The following COMMD7 variants were observed in gnomAD, a reference collection of about 807,000 sequenced individuals.
COMMD7 encodes the protein COMM domain containing 7, also known as COMM domain-containing protein 7.
COMMD7 carries 28 observed loss-of-function variants against 34.8 expected under a neutral mutation model. The observed-to-expected ratio is 0.80, with a 90% CI of 0.60 to 1.10. The LOEUF (loss-of-function observed/expected upper bound fraction) is 1.10, where lower values mean the gene tolerates loss of function less well. COMMD7 is among the 50% of genes least tolerant of loss of function. The pLI is 0.00. For synonymous variants in COMMD7, 80 were observed against 86.4 expected, an observed-to-expected ratio of 0.93 and a Z score of 0.41; for missense variants, 211 against 241.6, an observed-to-expected ratio of 0.87 and a Z score of 0.84.
intron 1 of COMMD7, 138 bp from the exon 2 acceptor site, chr20:32,728,280 T>TA: frequency 1.3e-6 from 1 of 754,364 alleles, no homozygotes; most frequent in South Asian, 1.6e-5. Context: ...ATCCTATAGT[T>TA]ACAAATGTTC....
At chr20:32,726,602 C>A (rs1985526682) in intron 3 of COMMD7, among the ~76,000 whole-genome samples, 1 of 152,110 alleles carries the variant, frequency 6.6e-6, no homozygotes, top group Admixed American at 6.6e-5. Flanking sequence ...ACTTGGGAGG[C>A]TGAGGCAGGA....
intron 1 of COMMD7, among the ~76,000 whole-genome samples, chr20:32,729,398 C>T (rs1985709813): frequency 6.6e-6 from 1 of 151,344 alleles, no homozygotes; most frequent in Non-Finnish European, 1.5e-5. Flanking sequence ...GAACTCCTCA[C>T]CTCAAGTGAT....
chr20:32,731,066 T>A (rs1001843805), intron 1 of COMMD7, among the ~76,000 whole-genome samples: 3 of 152,216 alleles, frequency 2.0e-5, no homozygotes, highest in African/African-American at 7.2e-5. Context: ...GTGTGGTGGC[T>A]CATGCCTGTA....
intron 1 of COMMD7, among the ~76,000 whole-genome samples, chr20:32,732,842 A>T (rs1374169943): frequency 1.3e-5 from 2 of 151,896 alleles, no homozygotes; most frequent in Non-Finnish European, 2.9e-5. Flanking sequence ...AGGCTGAGGC[A>T]GGAGAATGGC....
intron 3 of COMMD7, among the ~76,000 whole-genome samples, chr20:32,707,064 G>A (rs1457346918): frequency 6.7e-6 from 1 of 149,838 alleles, no homozygotes; most frequent in South Asian, 2.1e-4. Context: ...ACGACATCAG[G>A]AGATCGAGAC....
chr20:32,702,789 TACG>T lies in COMMD7; in HGVS notation c.*590_*592del, dbSNP rs1342820624. The T allele has an allele frequency of 2.0e-5, 3 of 152,262 alleles. No individual in the cohort carries two copies. Among genetic ancestry groups the T allele is most frequent in the African/African-American group, 4.8e-5 (2 of 41,462 alleles). The allele number at this position is 152,262 out of a possible 1,614,324, so 9.4% of individuals were successfully genotyped here. A position where few individuals can be genotyped will look rare whatever the true frequency, so the allele number is the denominator to read the frequency against. On this transcript the variant is annotated 3_prime_UTR_variant, in exon 9 of 9. Coordinates refer to ENST00000278980, the MANE Select transcript of COMMD7 (RefSeq NM_053041.3). ...AATGGCCTCAAAAGGCCCACCTCGTTACGACATGACAGGGCAAAACCAGAAGTA... is the reference window on the plus strand; with the variant it reads ...AATGGCCTCAAAAGGCCCACCTCGTTACATGACAGGGCAAAACCAGAAGTA...
chr20:32,707,625 ATTTTT>A (rs879335470), intron 3 of COMMD7, among the ~76,000 whole-genome samples: 1 of 148,884 alleles, frequency 6.7e-6, no homozygotes, highest in Admixed American at 6.7e-5. Flanking sequence ...CCTGGCACAT[ATTTTT>A]TTTTTAATTG....
chr20:32,721,396 G>C (rs1393226532), intron 3 of COMMD7, among the ~76,000 whole-genome samples: 2 of 152,110 alleles, frequency 1.3e-5, no homozygotes, highest in Non-Finnish European at 2.9e-5. Flanking sequence ...GATCACCTGA[G>C]GTCAGGAGTT....
At chr20:32,742,230 T>C (rs914409949) in intron 1 of COMMD7, among the ~76,000 whole-genome samples, 1 of 152,224 alleles carries the variant, frequency 6.6e-6, no homozygotes, top group African/African-American at 2.4e-5. Context: ...TTTTTAAATG[T>C]GGCTACTACA....
At chr20:32,730,383 C>T (rs1260394003) in intron 1 of COMMD7, among the ~76,000 whole-genome samples, 1 of 151,964 alleles carries the variant, frequency 6.6e-6, no homozygotes, top group South Asian at 2.1e-4. Flanking sequence ...GGTGAAACCC[C>T]GTCTCTACTA....
At chr20:32,730,558 AAACAAC>A (rs34678832) in intron 1 of COMMD7, among the ~76,000 whole-genome samples, 8 of 149,584 alleles carry the variant, frequency 5.3e-5, no homozygotes, top group Non-Finnish European at 7.4e-5. Context: ...CCGTTTCAAA[AAACAAC>A]AACAACAACA....
chr20:32,729,763 T>G (rs1253847027), intron 1 of COMMD7, among the ~76,000 whole-genome samples: 2 of 151,912 alleles, frequency 1.3e-5, no homozygotes, highest in East Asian at 3.9e-4. Flanking sequence ...TCCCAGCACT[T>G]TGGGAGGCTG....
At chr20:32,732,299 C>A (rs1050274110) in intron 1 of COMMD7, among the ~76,000 whole-genome samples, 1 of 152,084 alleles carries the variant, frequency 6.6e-6, no homozygotes, top group African/African-American at 2.4e-5. Context: ...CAATGTTGCC[C>A]CAGCTCATCT....
intron 7 of COMMD7, 121 bp from the exon 8 acceptor site, chr20:32,704,192 ATC>A: frequency 1.1e-6 from 1 of 872,292 alleles, no homozygotes; most frequent in Non-Finnish European, 1.7e-6. Context: ...AGTCTGGATC[ATC>A]CACCACCGAA....
intron 3 of COMMD7, 79 bp from the exon 4 acceptor site, chr20:32,706,839 A>T: frequency 1.7e-6 from 2 of 1,186,202 alleles, no homozygotes; most frequent in South Asian, 2.5e-5. Context: ...GGCACAACCT[A>T]TGTGACCTAA....
At chr20:32,731,004 CTG>C (rs1196563867) in intron 1 of COMMD7, among the ~76,000 whole-genome samples, 2 of 152,180 alleles carry the variant, frequency 1.3e-5, no homozygotes, top group African/African-American at 2.4e-5. Context: ...TGTCAGGACT[CTG>C]TATTATTTTA....
chr20:32,709,399 C>CAA (rs60023181), intron 3 of COMMD7, among the ~76,000 whole-genome samples: 95 of 142,114 alleles, frequency 6.7e-4, no homozygotes, highest in Middle Eastern at 3.5e-3. Flanking sequence ...AACTCTGTCT[C>CAA]AAAAAAAAAA....
chr20:32,718,958 A>G (rs995064192), intron 3 of COMMD7, among the ~76,000 whole-genome samples: 5 of 152,138 alleles, frequency 3.3e-5, no homozygotes, highest in African/African-American at 4.8e-5. Context: ...GGACACACCA[A>G]TTTGAGGAAG....
chr20:32,704,188 G>T, intron 7 of COMMD7, 117 bp from the exon 8 acceptor site: 3 of 901,682 alleles, frequency 3.3e-6, no homozygotes, highest in East Asian at 2.6e-5. Flanking sequence ...GAGCAGTCTG[G>T]ATCATCCACC....
Sources: allele counts gnomAD v4.1 joint callset (sites outside exome capture counted in the v4.1 genomes callset), GRCh38; gene constraint gnomAD v4.1.1; transcripts MANE v1.5; gene names NCBI Gene and HGNC (gene_info 2026-07-23, HGNC 2026-07-21).